Variants in NRG2 observed in about 807,000 individuals in gnomAD.
NRG2 encodes pro-neuregulin-2, membrane-bound isoform.
A neutral mutation model predicts 73.9 loss-of-function variants in NRG2; 27 were observed. The ratio of observed to expected loss-of-function variants is 0.37; its 90% CI spans 0.27 to 0.50. The LOEUF (loss-of-function observed/expected upper bound fraction) is 0.50. Ranked by LOEUF, NRG2 falls within the 20% of genes least tolerant of loss-of-function variation. The pLI, the probability that NRG2 is intolerant of heterozygous loss-of-function variation, is 0.96. For synonymous variants in NRG2, 532 were observed against 541.0 expected, an observed-to-expected ratio of 0.98 and a Z score of 0.23; for missense variants, 1,126 against 1,210.1, an observed-to-expected ratio of 0.93 and a Z score of 1.03.
At position 139,887,481 on chromosome 5, in the gene NRG2, C is replaced by T. The variant is rs774596341; in HGVS notation, c.731G>A (p.Ser244Asn). ...ATRPKLKKMK[S>N]QTGQVGEKQS... is the part of the protein sequence containing the mutation. ...CTTCTCACCCACCTGTCCCGTCTGG[C>T]TCTTCATCTTCTTCAACTTGGGCCG... Residue 244 changes from serine to asparagine, a missense_variant, in exon 2 of 10, where the codon AGC (serine) becomes AAC (asparagine). By Grantham distance (46) the Ser-to-Asn change is conservative (BLOSUM62 1). This residue lies in a region of NRG2 where 539 missense variants were observed against 703.2 expected (regional missense o/e 0.77). Coordinates refer to ENST00000361474, the MANE Select transcript of NRG2 (RefSeq NM_004883.3). This position sits in a 1 kb window ranked among gnomAD's most constrained non-coding sequence, Gnocchi z 4.5. 1.9e-6 allele frequency: 3 copies of T among 1,610,176 alleles called. No homozygotes were observed. Among genetic ancestry groups the T allele is most frequent in the Non-Finnish European group, 2.5e-6 (3 of 1,176,882 alleles).
At position 139,869,650 on chromosome 5, in the gene NRG2, C is replaced by A. The variant is rs1447509911; in HGVS notation, c.1112+2071G>T. The stretch of plus-strand genomic sequence containing the variant: ...TTGGTTCCAGGAACCTTGGCTGGAA[C>A]CAGGGGAGGCTGAGATGGGGAAGTG... On this transcript the variant is annotated intron_variant, in intron 4 of 9. Transcript: ENST00000361474. This position sits in a 1 kb window ranked among gnomAD's most constrained non-coding sequence, Gnocchi z 4.5. 2 of 152,268 alleles carry A rather than the reference C, an allele frequency of 1.3e-5. No individual in the cohort carries two copies. The highest frequency in any genetic ancestry group is 2.9e-5 in the Non-Finnish European group (2 of 68,130). 9.4% of individuals were successfully genotyped at this position (152,268 alleles called of 1,614,324 possible).
intron 1 of NRG2, among the ~76,000 whole-genome samples, chr5:139,905,345 C>A (rs1283360824): frequency 2.0e-5 from 3 of 152,226 alleles, no homozygotes; most frequent in Admixed American, 2.0e-4. Flanking sequence ...TCCCAGAAAG[C>A]CTGAGCCTGC....
intron 1 of NRG2, among the ~76,000 whole-genome samples, chr5:140,018,604 A>G (rs930564284): frequency 5.3e-5 from 8 of 152,304 alleles, no homozygotes; most frequent in Middle Eastern, 3.4e-3. Flanking sequence ...TGACTCTAGG[A>G]TGAGAATTCA....
At chr5:139,965,987 T>C (rs1755485028) in intron 1 of NRG2, among the ~76,000 whole-genome samples, 1 of 152,168 alleles carries the variant, frequency 6.6e-6, no homozygotes, top group African/African-American at 2.4e-5. Context: ...TTTTTTTTTA[T>C]ATTTGCTTAC....
At chr5:140,018,498 G>GC (rs1759970925) in intron 1 of NRG2, among the ~76,000 whole-genome samples, 2 of 152,130 alleles carry the variant, frequency 1.3e-5, no homozygotes, top group Non-Finnish European at 2.9e-5. Context: ...ATAGTGAAAT[G>GC]CCACCCACAT....
chr5:139,932,468 A>G (rs912884199), intron 1 of NRG2, among the ~76,000 whole-genome samples: 3 of 152,052 alleles, frequency 2.0e-5, no homozygotes, highest in African/African-American at 7.2e-5. Flanking sequence ...ATTAGTTACC[A>G]TGAGAGTGGC....
chr5:139,969,185 C>G (rs909630988), intron 1 of NRG2, among the ~76,000 whole-genome samples: 1 of 152,252 alleles, frequency 6.6e-6, no homozygotes, highest in African/African-American at 2.4e-5. Flanking sequence ...TTTAACCCGC[C>G]AAGATTAAGG....
At chr5:139,988,154 T>G (rs1434364020) in intron 1 of NRG2, among the ~76,000 whole-genome samples, 6 of 152,020 alleles carry the variant, frequency 3.9e-5, no homozygotes, top group Non-Finnish European at 8.8e-5. Context: ...CAACACCAAA[T>G]GCTGGTGAGG....
chr5:139,893,143 C>T (rs540918254), intron 1 of NRG2, among the ~76,000 whole-genome samples: 94 of 152,290 alleles, frequency 6.2e-4, no homozygotes, highest in African/African-American at 2.2e-3. Flanking sequence ...TGCCAAAAGA[C>T]TTTTCTCTCC....
chr5:139,863,984 C>T (rs1029787324), intron 5 of NRG2, among the ~76,000 whole-genome samples: 6 of 152,180 alleles, frequency 3.9e-5, no homozygotes, highest in Admixed American at 1.3e-4. Flanking sequence ...AATCCCCAAA[C>T]CCCTTTTCTC....
At chr5:140,010,402 T>C (rs1272320900) in intron 1 of NRG2, among the ~76,000 whole-genome samples, 2 of 152,212 alleles carry the variant, frequency 1.3e-5, no homozygotes, top group Admixed American at 6.5e-5. Context: ...GCCTAATGTA[T>C]AGACTTTGGG....
rs939265071 is a variant in NRG2 at position 139,874,229 on chromosome 5, C to T, written c.992-2388G>A. ...CAACGTGTCTATACACCCCTGTCAG[C>T]GTATCCATATCTCTCACTATGGTTG... On this transcript the variant is annotated intron_variant, in intron 3 of 9. Coordinates refer to ENST00000361474, the MANE Select transcript of NRG2 (RefSeq NM_004883.3). 5.3e-5 allele frequency among the ~76,000 whole-genome samples: 8 copies of T among 152,330 alleles called. No individual in the cohort carries two copies. The East Asian group carries it at 5.8e-4, about 11-fold the overall frequency.
chr5:139,858,937 G>A (rs1359296082), intron 5 of NRG2, among the ~76,000 whole-genome samples: 1 of 152,126 alleles, frequency 6.6e-6, no homozygotes, highest in Non-Finnish European at 1.5e-5. Flanking sequence ...AGGATAGGTG[G>A]TGGGGCTAGG....
intron 1 of NRG2, among the ~76,000 whole-genome samples, chr5:139,985,135 T>A (rs1271152333): frequency 6.6e-6 from 1 of 151,014 alleles, no homozygotes; most frequent in African/African-American, 2.4e-5. Context: ...AAACCAGGAG[T>A]TTGAGACCAG....
chr5:139,888,020 C>T (rs1463922158), intron 1 of NRG2, among the ~76,000 whole-genome samples: 1 of 152,134 alleles, frequency 6.6e-6, no homozygotes, highest in Non-Finnish European at 1.5e-5. Flanking sequence ...AGGCTGTCCC[C>T]ATTTTTCTTA....
At chr5:139,858,602 C>A (rs1761952284) in intron 5 of NRG2, among the ~76,000 whole-genome samples, 1 of 152,184 alleles carries the variant, frequency 6.6e-6, no homozygotes, top group Non-Finnish European at 1.5e-5. Flanking sequence ...AATATACAGA[C>A]CAGCCTTATA....
intron 1 of NRG2, among the ~76,000 whole-genome samples, chr5:140,000,665 C>T (rs1376439486): frequency 1.3e-5 from 2 of 152,204 alleles, no homozygotes; most frequent in Admixed American, 6.5e-5. Flanking sequence ...TGCACTCTGT[C>T]GGCTCTCTTC....
chr5:139,924,558 G>A (rs1042714300), intron 1 of NRG2, among the ~76,000 whole-genome samples: 2 of 152,174 alleles, frequency 1.3e-5, no homozygotes, highest in African/African-American at 4.8e-5. Context: ...GTGTTCTAAT[G>A]AAATGATAAT....
intron 1 of NRG2, among the ~76,000 whole-genome samples, chr5:139,971,465 G>A (rs1234153080): frequency 2.0e-5 from 3 of 152,124 alleles, no homozygotes; most frequent in Admixed American, 6.5e-5. Context: ...AAGGAATTGC[G>A]GGGAGGAGCT....
Sources: gnomAD v4.1 joint callset for allele counts (sites outside exome capture counted in the v4.1 genomes callset) on GRCh38, gnomAD v4.1.1 for gene constraint, gnomAD v4.1.1 regional missense constraint, Gnocchi (gnomAD v3.1) non-coding constraint, MANE v1.5 for transcripts, NCBI Gene and HGNC (gene_info 2026-07-23, HGNC 2026-07-21) for gene names.